Variants in PRDM15 observed in about 807,000 individuals in gnomAD.
The protein encoded by PRDM15 is PR/SET domain 15.
In PRDM15, 64 loss-of-function variants were observed where a neutral mutation model predicts 128.6. The observed-to-expected ratio is 0.50, with a 90% CI of 0.41 to 0.61. The LOEUF (loss-of-function observed/expected upper bound fraction) is 0.61. Ranked by LOEUF, PRDM15 falls within the 20% of genes least tolerant of loss-of-function variation. The pLI is 0.00. For synonymous variants in PRDM15, 615 were observed against 621.8 expected, an observed-to-expected ratio of 0.99 and a Z score of 0.16; for missense variants, 1,242 against 1,569.1, an observed-to-expected ratio of 0.79 and a Z score of 3.52.
intron 1 of PRDM15, among the ~76,000 whole-genome samples, chr21:41,874,523 A>ATTTTTTTTTTTT (rs879505958): frequency 2.5e-5 from 2 of 78,742 alleles, no homozygotes; most frequent in Non-Finnish European, 5.0e-5. Context: ...ATATATATAT[A>ATTTTTTTTTTTT]TATTTTTTTT....
intron 21 of PRDM15, among the ~76,000 whole-genome samples, chr21:41,807,236 ACATT>A (rs2061709152): frequency 6.6e-6 from 1 of 152,252 alleles, no homozygotes; most frequent in African/African-American, 2.4e-5. Context: ...TTTTAATGTA[ACATT>A]CATTCAAAGT....
At chr21:41,878,727 G>C (rs1305865653) in intron 1 of PRDM15, 11 of 1,573,226 alleles carry the variant, frequency 7.0e-6, no homozygotes, top group Non-Finnish European at 9.4e-6. Flanking sequence ...CGGGGTTGGG[G>C]GTCCAGGGAC....
chr21:41,830,879 TCACA>T (rs1267615271), intron 11 of PRDM15, among the ~76,000 whole-genome samples: 3 of 152,236 alleles, frequency 2.0e-5, no homozygotes, highest in Non-Finnish European at 4.4e-5. Context: ...CCTCTGACTC[TCACA>T]CAGGCACCTC....
In PRDM15 at chr21:41,836,526, AT is replaced by A; in HGVS notation, c.1124del (p.Asn375IlefsTer13). 6.2e-7 allele frequency: 1 copy of A among 1,612,556 alleles called. No homozygotes were observed. The highest frequency in any genetic ancestry group is 8.5e-7 in the Non-Finnish European group (1 of 1,179,942). ...TGTTCTGGAAGATCTTGCTGCAGATATTGCACTGGTAAACCCGCTTGTGCTC... is the reference window on the plus strand; with the variant it reads ...TGTTCTGGAAGATCTTGCTGCAGATATGCACTGGTAAACCCGCTTGTGCTC... ...LGEHKRVYQC[N>X]ICSKIFQNSS... On this transcript the variant is annotated frameshift_variant, in exon 9 of 24. Transcript: ENST00000398548. LOFTEE classifies it high-confidence loss of function.
rs2062256791 is a variant in PRDM15, at chr21:41,821,367, T to C, written c.1897-137A>G. On this transcript the variant is annotated intron_variant, in intron 15 of 23. Coordinates refer to ENST00000398548, the MANE Select transcript of PRDM15 (RefSeq NM_001040424.3). This position sits in a 1 kb window ranked among gnomAD's most constrained non-coding sequence, Gnocchi z 5.4. ...TGACTCATGCCAGGGTGGAAGGGACTCTCAGAGGCTTGATGGGGAACTTTT... is the reference window on the plus strand; with the variant it reads ...TGACTCATGCCAGGGTGGAAGGGACCCTCAGAGGCTTGATGGGGAACTTTT... 7.9e-6 allele frequency: 8 copies of C among 1,016,624 alleles called. No individual in the cohort carries two copies. The highest frequency in any genetic ancestry group is 1.1e-5 in the Non-Finnish European group (8 of 697,426). 63.0% of individuals were successfully genotyped at this position (1,016,624 alleles called of 1,614,324 possible). A position where few individuals can be genotyped will look rare whatever the true frequency, so the allele number is the denominator to read the frequency against.
Position 41,828,323 on chromosome 21 carries a change from C to A in PRDM15, c.1377G>T (p.Thr459=). The A allele has an allele frequency of 6.2e-7, 1 of 1,613,966 alleles. No homozygotes were observed. The change falls in exon 12 of 24, where the codon ACG becomes ACT. Residue 459 remains threonine (T), a synonymous_variant. Transcript: ENST00000398548. This position sits in a 1 kb window ranked among gnomAD's most constrained non-coding sequence, Gnocchi z 5.7. ...ATCTGAAACACATCTCACATTGGAA[C>A]GTCTTGTCATCTGTCCAGAGAGCAA... The part of the protein sequence containing the change: ...EFHNCRTDDK[T]FQCEMCFRFF...
Position 41,835,409 on chromosome 21 carries a change from C to T in PRDM15, c.1366+28G>A, listed in dbSNP as rs770224493. On this transcript the variant is annotated intron_variant, in intron 11 of 23. Coordinates refer to ENST00000398548, the MANE Select transcript of PRDM15 (RefSeq NM_001040424.3). ...TCTAGAATCCGTACCGCACAGCGGC[C>T]GAGGGGAGACGTGACCGGCGCCCTC... 9.3e-5 allele frequency: 148 copies of T among 1,584,644 alleles called. 1 individual carries two copies. In the Admixed American group the frequency reaches 2.2e-3, roughly 24 times the overall value.
intron 1 of PRDM15, among the ~76,000 whole-genome samples, chr21:41,876,684 A>T (rs939378032): frequency 6.6e-6 from 1 of 151,952 alleles, no homozygotes; most frequent in Non-Finnish European, 1.5e-5. Flanking sequence ...TCTGAGGGAG[A>T]GTTTGAAGAT....
At chr21:41,834,670 AG>A in intron 11 of PRDM15, 1 of 859,698 alleles carries the variant, frequency 1.2e-6, no homozygotes, top group South Asian at 1.5e-5. Context: ...GGAATGGGGA[AG>A]GTGTGACTCC....
In PRDM15 at chr21:41,857,254, G is replaced by A. The variant is rs757946438; in HGVS notation, c.207C>T (p.Leu69=). The A allele has an allele frequency of 5.6e-6, 9 of 1,613,864 alleles. No individual in the cohort carries two copies. The highest frequency in any genetic ancestry group is 4.0e-5 in the African/African-American group (3 of 75,020). ...AGGGACCGAACTGTGTCCGCTTGAC[G>A]AGCTGAGTGATGGCGAACACCCCCT... ...GAEGVFAITQ[L]VKRTQFGPFE... The change falls in exon 4 of 24, where the codon CTC becomes CTT. Residue 69 remains leucine, a synonymous_variant. Coordinates refer to ENST00000398548, the MANE Select transcript of PRDM15 (RefSeq NM_001040424.3).
At chr21:41,827,690 A>G (rs574680663) in intron 12 of PRDM15, among the ~76,000 whole-genome samples, 1 of 152,294 alleles carries the variant, frequency 6.6e-6, no homozygotes, top group Admixed American at 6.5e-5. Context: ...TCTTTTCAAC[A>G]AGCATATGCT....
intron 4 of PRDM15, among the ~76,000 whole-genome samples, chr21:41,855,603 C>T (rs1198961673): frequency 6.6e-6 from 1 of 152,170 alleles, no homozygotes; most frequent in Admixed American, 6.5e-5. Context: ...AGGTGTGCTC[C>T]CAGCTGGCGG....
chr21:41,802,261 G>T (rs1379304352), intron 23 of PRDM15, among the ~76,000 whole-genome samples: 1 of 152,222 alleles, frequency 6.6e-6, no homozygotes, highest in East Asian at 1.9e-4. Context: ...AAGCAAAAGT[G>T]ACGAAGGCTG....
intron 14 of PRDM15, among the ~76,000 whole-genome samples, chr21:41,823,024 C>A (rs183588642): frequency 1.0e-4 from 14 of 138,098 alleles, no homozygotes; most frequent in African/African-American, 2.7e-5. Flanking sequence ...AACGAGACTC[C>A]GTCTCAAAAA....
At chr21:41,867,232 C>T (rs1374761245) in intron 1 of PRDM15, 4 of 1,216,336 alleles carry the variant, frequency 3.3e-6, no homozygotes, top group South Asian at 2.6e-5. Context: ...GCCTCTGCTG[C>T]GCCGGTAGTC....
intron 9 of PRDM15, 35 bp downstream of exon 9, chr21:41,836,433 T>TGGCCCC (rs778404396): frequency 1.3e-5 from 20 of 1,587,240 alleles, no homozygotes; most frequent in South Asian, 4.5e-5. Flanking sequence ...GTCCTGGCCC[T>TGGCCCC]GGCCCCGGGC....
At chr21:41,822,460 G>A (rs1050102663) in intron 14 of PRDM15, among the ~76,000 whole-genome samples, 1 of 152,242 alleles carries the variant, frequency 6.6e-6, no homozygotes, top group Non-Finnish European at 1.5e-5. Context: ...CTCAAAGGTG[G>A]GGAGGGACAC....
chr21:41,801,375 G>C lies in PRDM15; in HGVS notation c.3291C>G (p.Asp1097Glu). The change falls in exon 24 of 24, where the codon GAC (aspartate) becomes GAG (glutamate). Residue 1097 changes from aspartate (D) to glutamate (E), a missense_variant. Asp to Glu is a conservative substitution (Grantham distance 45). Around this residue, in one of 3 missense-constraint regions of PRDM15, gnomAD observed 602 missense variants for 788.3 expected, o/e 0.76. Transcript: ENST00000398548. ...SITPLGSQLS[D>E]QHPLTWRAVP... ...CTGCCCGCCACGTGAGCGGGTGCTGGTCACTAAGCTGGCTCCCCAGGGGCG... is the reference window on the plus strand; with the variant it reads ...CTGCCCGCCACGTGAGCGGGTGCTGCTCACTAAGCTGGCTCCCCAGGGGCG... 6.2e-7 allele frequency: 1 copy of C among 1,611,516 alleles called. No individual in the cohort carries two copies. Among genetic ancestry groups the C allele is most frequent in the Non-Finnish European group, 8.5e-7 (1 of 1,177,912 alleles).
At chr21:41,840,372 G>GGA (rs2063037715) in intron 6 of PRDM15, among the ~76,000 whole-genome samples, 1 of 151,706 alleles carries the variant, frequency 6.6e-6, no homozygotes, top group African/African-American at 2.4e-5. Flanking sequence ...CTTGAACCCG[G>GGA]GAGGCGGAGC....
Sources: gnomAD v4.1 joint callset for allele counts (sites outside exome capture counted in the v4.1 genomes callset) on GRCh38, gnomAD v4.1.1 for gene constraint, gnomAD v4.1.1 regional missense constraint, Gnocchi (gnomAD v3.1) non-coding constraint, MANE v1.5 for transcripts, NCBI Gene and HGNC (gene_info 2026-07-23, HGNC 2026-07-21) for gene names.